Variants in LDB2 observed in about 807,000 individuals in gnomAD.
The protein encoded by LDB2 is LIM domain-binding protein 2.
Under a neutral mutation model 44.3 loss-of-function variants are expected in LDB2, and 12 were observed. The ratio of observed to expected loss-of-function variants is 0.27; its 90% CI spans 0.17 to 0.44. The LOEUF is 0.44. LDB2 is among the 20% of genes least tolerant of loss of function. LDB2 has a pLI of 1.00. For missense variants in LDB2, 344 were observed against 473.5 expected, an observed-to-expected ratio of 0.73 and a Z score of 2.54; for synonymous variants, 164 against 174.8, an observed-to-expected ratio of 0.94 and a Z score of 0.49.
intron 5 of LDB2, among the ~76,000 whole-genome samples, chr4:16,538,665 C>T (rs1212209715): frequency 6.6e-6 from 1 of 152,108 alleles, no homozygotes; most frequent in East Asian, 1.9e-4. Flanking sequence ...ATAATCTTCC[C>T]CCAAAGTCTT....
intron 1 of LDB2, among the ~76,000 whole-genome samples, chr4:16,846,694 A>T (rs1787081232): frequency 6.6e-6 from 1 of 152,226 alleles, no homozygotes; most frequent in South Asian, 2.1e-4. Flanking sequence ...CCACATTTGC[A>T]GTCTGTAGAC....
chr4:16,778,425 G>A (rs1210101099), intron 1 of LDB2, among the ~76,000 whole-genome samples: 1 of 152,002 alleles, frequency 6.6e-6, no homozygotes, highest in Non-Finnish European at 1.5e-5. Context: ...ACCTGCAGAG[G>A]CTCCCTGCCC....
At chr4:16,849,239 G>A (rs1787702915) in intron 1 of LDB2, among the ~76,000 whole-genome samples, 1 of 152,132 alleles carries the variant, frequency 6.6e-6, no homozygotes, top group Non-Finnish European at 1.5e-5. Context: ...AAATGTCTTT[G>A]TTTAAATATC....
At chr4:16,769,546 T>C (rs955862183) in intron 1 of LDB2, among the ~76,000 whole-genome samples, 1 of 151,972 alleles carries the variant, frequency 6.6e-6, no homozygotes, top group African/African-American at 2.4e-5. Flanking sequence ...TCCACCCGCC[T>C]CAGCCTCCCA....
At chr4:16,525,618 C>T (rs376738234) in intron 5 of LDB2, among the ~76,000 whole-genome samples, 80 of 152,280 alleles carry the variant, frequency 5.3e-4, no homozygotes, top group African/African-American at 1.6e-3. Flanking sequence ...ACTACGTGCT[C>T]TTTATTTGTT....
chr4:16,789,290 C>T (rs1384003700), intron 1 of LDB2, among the ~76,000 whole-genome samples: 2 of 152,132 alleles, frequency 1.3e-5, no homozygotes, highest in South Asian at 4.2e-4. Context: ...TCATTCATTT[C>T]CATGACAAAT....
At chr4:16,665,326 T>C (rs1330855121) in intron 2 of LDB2, among the ~76,000 whole-genome samples, 2 of 140,440 alleles carry the variant, frequency 1.4e-5, no homozygotes, top group African/African-American at 5.3e-5. Flanking sequence ...AGTGCAGTGG[T>C]GTGATCTTGG....
chr4:16,795,782 T>C lies in LDB2; in HGVS notation c.133-36522A>G, dbSNP rs1041424303. Among the ~76,000 whole-genome samples the C allele has an allele frequency of 5.3e-5, 8 of 152,146 alleles. No individual in the cohort carries two copies. The East Asian group carries it at 9.6e-4, about 18-fold the overall frequency. ...CTTAACCTGTAGGACCAGTACATAATAGATAGTCGCTAAACGGTACCTATT... is the reference window on the plus strand; with the variant it reads ...CTTAACCTGTAGGACCAGTACATAACAGATAGTCGCTAAACGGTACCTATT... On this transcript the variant is annotated intron_variant, in intron 1 of 7. Coordinates refer to ENST00000304523, the MANE Select transcript of LDB2 (RefSeq NM_001290.5).
intron 5 of LDB2, among the ~76,000 whole-genome samples, chr4:16,546,328 A>C (rs1449961096): frequency 1.3e-5 from 2 of 152,226 alleles, no homozygotes; most frequent in Non-Finnish European, 2.9e-5. Context: ...CGAATTCTAA[A>C]ATGTGAATTG....
chr4:16,823,019 G>A (rs1361173127), intron 1 of LDB2, among the ~76,000 whole-genome samples: 1 of 152,158 alleles, frequency 6.6e-6, no homozygotes, highest in Non-Finnish European at 1.5e-5. Flanking sequence ...TCAGTGAAGA[G>A]AATAACTACA....
intron 2 of LDB2, among the ~76,000 whole-genome samples, chr4:16,699,424 T>C (rs1430514001): frequency 6.6e-6 from 1 of 152,202 alleles, no homozygotes; most frequent in African/African-American, 2.4e-5. Flanking sequence ...TTCCGGTTCA[T>C]GGAGATAGGA....
intron 1 of LDB2, among the ~76,000 whole-genome samples, chr4:16,836,247 T>A (rs1443407638): frequency 6.6e-6 from 1 of 152,150 alleles, no homozygotes; most frequent in Non-Finnish European, 1.5e-5. Flanking sequence ...TCCTCAACAT[T>A]TGAAGAATCT....
chr4:16,737,562 G>T (rs1361328255), intron 2 of LDB2, among the ~76,000 whole-genome samples: 1 of 152,148 alleles, frequency 6.6e-6, no homozygotes, highest in Non-Finnish European at 1.5e-5. Context: ...ATGACAGGAA[G>T]TACGTTAATT....
chr4:16,595,663 A>C, intron 3 of LDB2, 40 bp downstream of exon 3: 1 of 1,589,722 alleles, frequency 6.3e-7, no homozygotes, highest in Non-Finnish European at 8.6e-7. Flanking sequence ...ATGCTCTCAG[A>C]GTAGGAAAAG....
intron 1 of LDB2, among the ~76,000 whole-genome samples, chr4:16,792,295 T>TA: frequency 6.6e-6 from 1 of 152,370 alleles, no homozygotes; most frequent in East Asian, 1.9e-4. Context: ...CTTATATTCT[T>TA]ACTGTGTGCC....
intron 1 of LDB2, among the ~76,000 whole-genome samples, chr4:16,827,657 CTT>C (rs1219427799): frequency 2.0e-5 from 3 of 152,112 alleles, no homozygotes; most frequent in Non-Finnish European, 4.4e-5. Context: ...AGAAAATTCT[CTT>C]GTCTACACGC....
intron 2 of LDB2, among the ~76,000 whole-genome samples, chr4:16,647,968 G>T (rs142018307): frequency 0.012 from 1,811 of 152,200 alleles, 58 homozygotes; most frequent in Admixed American, 0.066. Context: ...TGAATATAAT[G>T]CATCTCTTTC....
chr4:16,820,860 C>A (rs1293675185), intron 1 of LDB2, among the ~76,000 whole-genome samples: 1 of 152,102 alleles, frequency 6.6e-6, no homozygotes, highest in Non-Finnish European at 1.5e-5. Flanking sequence ...CACTTTAGGA[C>A]AAAGATCAGA....
intron 2 of LDB2, among the ~76,000 whole-genome samples, chr4:16,711,334 G>A (rs1755824754): frequency 6.6e-6 from 1 of 152,222 alleles, no homozygotes; most frequent in African/African-American, 2.4e-5. Context: ...CTTGGCCCCA[G>A]GACACTGTGC....
Sources: allele counts gnomAD v4.1 joint callset (sites outside exome capture counted in the v4.1 genomes callset), GRCh38; gene constraint gnomAD v4.1.1; transcripts MANE v1.5; gene names NCBI Gene and HGNC (gene_info 2026-07-23, HGNC 2026-07-21).